FBXL7: variants seen among roughly 807,000 people sequenced by gnomAD.
The protein encoded by FBXL7 is F-box and leucine rich repeat protein 7, also known as F-box/LRR-repeat protein 7.
In FBXL7, 12 loss-of-function variants were observed where a neutral mutation model predicts 38.3. The ratio of observed to expected loss-of-function variants is 0.31; its 90% CI spans 0.20 to 0.51. FBXL7 has a LOEUF of 0.51. Ranked by LOEUF, FBXL7 falls within the 20% of genes least tolerant of loss-of-function variation. FBXL7 has a pLI of 0.98. For synonymous variants in FBXL7, 297 were observed against 300.9 expected (o/e 0.99, Z 0.13); for missense variants, 567 against 676.4 (o/e 0.84, Z 1.79).
chr5:15,700,525 C>T (rs1478094178), intron 2 of FBXL7, among the ~76,000 whole-genome samples: 1 of 152,164 alleles, frequency 6.6e-6, no homozygotes, highest in Non-Finnish European at 1.5e-5. Context: ...GCCGGTCATG[C>T]TGGAGGAAAG....
intron 2 of FBXL7, among the ~76,000 whole-genome samples, chr5:15,770,298 C>T (rs1008597232): frequency 1.1e-4 from 17 of 152,276 alleles, no homozygotes; most frequent in South Asian, 2.1e-4. Context: ...ATTTTCCACT[C>T]GCCCTTGCAG....
intron 1 of FBXL7, among the ~76,000 whole-genome samples, chr5:15,546,847 T>C (rs1311913611): frequency 6.6e-6 from 1 of 152,188 alleles, no homozygotes; most frequent in African/African-American, 2.4e-5. Flanking sequence ...GATGGGGCAT[T>C]GAAAATTAAT....
At chr5:15,503,969 A>C (rs1736572233) in intron 1 of FBXL7, among the ~76,000 whole-genome samples, 1 of 152,184 alleles carries the variant, frequency 6.6e-6, no homozygotes, top group South Asian at 2.1e-4. Context: ...ACAGTTATTC[A>C]CGAGGCTTAC....
At chr5:15,810,491 G>A (rs996389768) in intron 2 of FBXL7, among the ~76,000 whole-genome samples, 1 of 151,410 alleles carries the variant, frequency 6.6e-6, no homozygotes, top group Non-Finnish European at 1.5e-5. Flanking sequence ...AACCCAGGAG[G>A]CAGAGGTTAC....
At chr5:15,666,318 G>A (rs1247478528) in intron 2 of FBXL7, among the ~76,000 whole-genome samples, 1 of 152,114 alleles carries the variant, frequency 6.6e-6, no homozygotes, top group Non-Finnish European at 1.5e-5. Context: ...TTATGTTTAA[G>A]TGTGCAATTC....
At chr5:15,516,832 G>A (rs1464283857) in intron 1 of FBXL7, among the ~76,000 whole-genome samples, 2 of 152,010 alleles carry the variant, frequency 1.3e-5, no homozygotes, top group Non-Finnish European at 2.9e-5. Context: ...GCTGCCATGT[G>A]AGGAAGGACG....
At chr5:15,716,105 T>C (rs888459217) in intron 2 of FBXL7, among the ~76,000 whole-genome samples, 45 of 152,184 alleles carry the variant, frequency 3.0e-4, no homozygotes, top group African/African-American at 1.1e-3. Context: ...CATCAAACAA[T>C]GTCTACAGAG....
chr5:15,914,424 G>T (rs1579596841), intron 2 of FBXL7, among the ~76,000 whole-genome samples: 2 of 151,232 alleles, frequency 1.3e-5, no homozygotes, highest in South Asian at 4.2e-4. Flanking sequence ...CAGGGATCTG[G>T]ATAATCTATG....
rs756180484 is a variant in FBXL7 at position 15,928,062 on chromosome 5, C to T, written c.300C>T (p.Leu100=). 24 of 1,557,174 alleles carry T rather than the reference C, an allele frequency of 1.5e-5. No individual in the cohort carries two copies. The highest frequency in any genetic ancestry group is 1.8e-5 in the Non-Finnish European group (21 of 1,144,188). ...SPPPTRLTHP[L]IRLASRPQKE... The stretch of plus-strand genomic sequence containing the variant: ...CCCCGACCCGCCTCACACACCCGCT[C>T]ATCCGGCTCGCCTCCAGACCCCAGA... Residue 100 remains leucine, a synonymous_variant, in exon 3 of 4, where the codon CTC becomes CTT. Coordinates refer to ENST00000504595, the MANE Select transcript of FBXL7 (RefSeq NM_012304.5). The surrounding 1 kb of genome is among the most constrained non-coding windows in gnomAD (Gnocchi z 4.0).
chr5:15,617,815 C>G (rs1429666608), intron 2 of FBXL7, among the ~76,000 whole-genome samples: 3 of 152,192 alleles, frequency 2.0e-5, no homozygotes. Flanking sequence ...GCAATCCTCT[C>G]TAGTCAGAAA....
chr5:15,671,831 C>G (rs1270664241), intron 2 of FBXL7, among the ~76,000 whole-genome samples: 3 of 152,150 alleles, frequency 2.0e-5, no homozygotes, highest in Non-Finnish European at 1.5e-5. Flanking sequence ...TTTTCTTTGT[C>G]ATCTTGAAGG....
At chr5:15,833,766 A>G (rs1738518116) in intron 2 of FBXL7, among the ~76,000 whole-genome samples, 1 of 152,232 alleles carries the variant, frequency 6.6e-6, no homozygotes, top group Admixed American at 6.5e-5. Context: ...CAGGTTGGGA[A>G]TATCACCTTC....
At chr5:15,670,831 AT>A (rs1231396297) in intron 2 of FBXL7, among the ~76,000 whole-genome samples, 1 of 151,240 alleles carries the variant, frequency 6.6e-6, no homozygotes, top group Non-Finnish European at 1.5e-5. Context: ...TAAAAAAAAA[AT>A]AAATAAAAAG....
chr5:15,758,110 T>C (rs1319607217), intron 2 of FBXL7, among the ~76,000 whole-genome samples: 1 of 152,056 alleles, frequency 6.6e-6, no homozygotes, highest in Non-Finnish European at 1.5e-5. Flanking sequence ...GTCCAGGGTG[T>C]CCCATTTTTC....
intron 2 of FBXL7, among the ~76,000 whole-genome samples, chr5:15,653,430 C>G (rs1044427819): frequency 1.3e-5 from 2 of 152,172 alleles, no homozygotes; most frequent in African/African-American, 4.8e-5. Context: ...TAAGACTTCA[C>G]AGTATATCTG....
intron 2 of FBXL7, among the ~76,000 whole-genome samples, chr5:15,716,442 A>G (rs750680056): frequency 4.6e-5 from 7 of 152,202 alleles, no homozygotes; most frequent in Non-Finnish European, 7.3e-5. Context: ...AAGATTAAGT[A>G]ACATTGCTGC....
intron 2 of FBXL7, among the ~76,000 whole-genome samples, chr5:15,836,178 G>C (rs999307092): frequency 6.6e-6 from 1 of 152,050 alleles, no homozygotes; most frequent in Non-Finnish European, 1.5e-5. Context: ...ATTCTATCAG[G>C]TTCCTTCATT....
At chr5:15,824,346 C>G (rs1398797752) in intron 2 of FBXL7, among the ~76,000 whole-genome samples, 2 of 151,566 alleles carry the variant, frequency 1.3e-5, no homozygotes, top group East Asian at 3.9e-4. Context: ...TGGCAGTTTC[C>G]CAAATGCATT....
intron 2 of FBXL7, among the ~76,000 whole-genome samples, chr5:15,641,983 G>A (rs1302665491): frequency 7.2e-6 from 1 of 138,926 alleles, no homozygotes; most frequent in Non-Finnish European, 1.6e-5. Flanking sequence ...GTGTGTGTGT[G>A]TGTCCTATTG....
Sources: allele counts gnomAD v4.1 joint callset (sites outside exome capture counted in the v4.1 genomes callset), GRCh38; gene constraint gnomAD v4.1.1; non-coding constraint Gnocchi (gnomAD v3.1); transcripts MANE v1.5; gene names NCBI Gene and HGNC (gene_info 2026-07-23, HGNC 2026-07-21).